PARD3B: variants seen among roughly 807,000 people sequenced by gnomAD.
PARD3B encodes par-3 family cell polarity regulator beta.
A neutral mutation model predicts 130.2 loss-of-function variants in PARD3B; 103 were observed. The ratio of observed to expected loss-of-function variants is 0.79; its 90% CI spans 0.67 to 0.93. PARD3B has a LOEUF of 0.93. PARD3B is among the 40% of genes least tolerant of loss of function. The probability of loss-of-function intolerance (pLI) is 0.00; values close to 1 mark genes in which losing one functional copy is unlikely to be tolerated. For missense variants in PARD3B, 1,609 were observed against 1,499.2 expected (o/e 1.07, Z -1.21); for synonymous variants, 583 against 553.2 (o/e 1.05, Z -0.76).
intron 18 of PARD3B, among the ~76,000 whole-genome samples, chr2:205,328,680 A>G (rs1271870776): frequency 6.6e-6 from 1 of 152,166 alleles, no homozygotes; most frequent in Non-Finnish European, 1.5e-5. Context: ...ACCTATTTTT[A>G]AAAAATTAAA....
rs2041448247 is a variant in PARD3B, at chr2:205,287,702, T to G, written c.2186-12828T>G. Among the ~76,000 whole-genome samples, 1 of 152,026 alleles carries G rather than the reference T, an allele frequency of 6.6e-6. No individual in the cohort carries two copies. The highest frequency in any genetic ancestry group is 2.1e-4 in the South Asian group (1 of 4,810). ...TGCCGGCTAGGAAAAAGAATGGATG[T>G]CAGCACTCGGGGGAGAAAAGAGAGA... On this transcript the variant is annotated intron_variant, in intron 16 of 22. Transcript: ENST00000406610. The surrounding 1 kb of genome is among the most constrained non-coding windows in gnomAD (Gnocchi z 4.8).
At chr2:205,044,813 C>A (rs532632481) in intron 3 of PARD3B, among the ~76,000 whole-genome samples, 2 of 152,090 alleles carry the variant, frequency 1.3e-5, no homozygotes, top group Non-Finnish European at 2.9e-5. Flanking sequence ...TTAATTAGAT[C>A]CCATTTCTCA....
chr2:205,569,736 G>A (rs2053494308), intron 22 of PARD3B, among the ~76,000 whole-genome samples: 1 of 152,136 alleles, frequency 6.6e-6, no homozygotes, highest in Non-Finnish European at 1.5e-5. Flanking sequence ...GAAGCATTCT[G>A]ACCTGTGTTC....
intron 4 of PARD3B, among the ~76,000 whole-genome samples, chr2:205,064,400 A>C (rs539350790): frequency 1.3e-5 from 2 of 152,164 alleles, no homozygotes; most frequent in Non-Finnish European, 2.9e-5. Flanking sequence ...TTGGGGAGAC[A>C]TGCGTGGCTG....
At chr2:205,058,144 T>C (rs1699849034) in intron 4 of PARD3B, among the ~76,000 whole-genome samples, 2 of 151,942 alleles carry the variant, frequency 1.3e-5, no homozygotes, top group South Asian at 2.1e-4. Flanking sequence ...AGGTGCCTTA[T>C]ACAAGTAGAA....
rs746124737 is a variant in PARD3B, at chr2:205,241,680, A to G, written c.2141-4098A>G. On this transcript the variant is annotated intron_variant, in intron 15 of 22. Transcript: ENST00000406610. This position sits in a 1 kb window ranked among gnomAD's most constrained non-coding sequence, Gnocchi z 4.2. ...TGCTCCATCAACACTCTCTTACTCA[A>G]TGCTTTTAATTAATACTTTACTGTT... Among the ~76,000 whole-genome samples, 7 of 152,188 alleles carry G rather than the reference A, an allele frequency of 4.6e-5. No homozygotes were observed. The highest frequency in any genetic ancestry group is 1.0e-4 in the Non-Finnish European group (7 of 68,002).
At chr2:204,686,653 G>A (rs1006887297) in intron 2 of PARD3B, among the ~76,000 whole-genome samples, 1 of 152,172 alleles carries the variant, frequency 6.6e-6, no homozygotes, top group Non-Finnish European at 1.5e-5. Context: ...GTGTTTCAAA[G>A]TAGAGAATAC....
intron 2 of PARD3B, among the ~76,000 whole-genome samples, chr2:204,814,483 C>T (rs2043073425): frequency 6.6e-6 from 1 of 151,644 alleles, no homozygotes; most frequent in Non-Finnish European, 1.5e-5. Context: ...ATTGGATTTT[C>T]TATATAGATT....
At chr2:205,552,039 G>A (rs1045167430) in intron 21 of PARD3B, among the ~76,000 whole-genome samples, 5 of 152,178 alleles carry the variant, frequency 3.3e-5, no homozygotes, top group South Asian at 4.1e-4. Context: ...TACGTGTTAC[G>A]TGTTCATCCT....
At chr2:205,053,856 A>G (rs761333005) in intron 4 of PARD3B, among the ~76,000 whole-genome samples, 2 of 152,092 alleles carry the variant, frequency 1.3e-5, no homozygotes, top group Non-Finnish European at 2.9e-5. Context: ...CATGTAATAT[A>G]CTACTGCATT....
intron 2 of PARD3B, among the ~76,000 whole-genome samples, chr2:204,748,931 T>C (rs1290820745): frequency 1.3e-5 from 2 of 152,180 alleles, no homozygotes; most frequent in South Asian, 2.1e-4. Context: ...TTTGTTGAGA[T>C]GGAGAATTTG....
intron 2 of PARD3B, among the ~76,000 whole-genome samples, chr2:204,959,282 T>C (rs1468139102): frequency 6.6e-6 from 1 of 152,192 alleles, no homozygotes; most frequent in Admixed American, 6.5e-5. Context: ...TCCAGCTTCA[T>C]CTACATCTCT....
intron 5 of PARD3B, among the ~76,000 whole-genome samples, chr2:205,106,481 ATGTGTGTGTGTGTGTGTGTGTGTG>A (rs202186761): frequency 4.8e-5 from 7 of 147,026 alleles, no homozygotes; most frequent in African/African-American, 7.6e-5. Context: ...TAAGAAATGT[ATGTGTGTGTGTGTGTGTGTGTGTG>A]TGTGTGTGTG....
At chr2:204,739,956 G>A (rs1450466102) in intron 2 of PARD3B, among the ~76,000 whole-genome samples, 1 of 149,970 alleles carries the variant, frequency 6.7e-6, no homozygotes, top group East Asian at 1.9e-4. Context: ...TTTTGTATTA[G>A]TTTCAAAGAT....
At chr2:204,898,129 AC>A (rs1183354574) in intron 2 of PARD3B, among the ~76,000 whole-genome samples, 2 of 151,704 alleles carry the variant, frequency 1.3e-5, no homozygotes, top group South Asian at 2.1e-4. Context: ...TAAAAAAAAA[AC>A]ATAAATGAAC....
intron 2 of PARD3B, among the ~76,000 whole-genome samples, chr2:204,746,056 GTGCCATGTTGGTGTGC>G (rs1381496875): frequency 1.3e-5 from 2 of 149,150 alleles, no homozygotes; most frequent in African/African-American, 5.0e-5. Context: ...ATGTATACAT[GTGCCATGTTGGTGTGC>G]TGCACCCATT....
At chr2:204,596,835 TTGAACC>T (rs957085537) in intron 1 of PARD3B, among the ~76,000 whole-genome samples, 91 of 151,990 alleles carry the variant, frequency 6.0e-4, no homozygotes, top group African/African-American at 2.1e-3. Context: ...GGAGAATTGC[TTGAACC>T]CGGGAGGCAG....
intron 4 of PARD3B, among the ~76,000 whole-genome samples, chr2:205,054,144 A>C (rs1699427331): frequency 6.6e-6 from 1 of 151,886 alleles, no homozygotes; most frequent in African/African-American, 2.4e-5. Flanking sequence ...CTCAAGTTTC[A>C]GGTAGGAAAA....
At chr2:204,812,838 T>G (rs915948036) in intron 2 of PARD3B, among the ~76,000 whole-genome samples, 9 of 152,114 alleles carry the variant, frequency 5.9e-5, no homozygotes, top group Admixed American at 3.3e-4. Flanking sequence ...TACCAATTAT[T>G]ATTCTAGGGA....
Sources: allele counts gnomAD v4.1 joint callset (sites outside exome capture counted in the v4.1 genomes callset), GRCh38; gene constraint gnomAD v4.1.1; non-coding constraint Gnocchi (gnomAD v3.1); transcripts MANE v1.5; gene names NCBI Gene and HGNC (gene_info 2026-07-23, HGNC 2026-07-21).